BCL2: variants seen among roughly 807,000 people sequenced by gnomAD.
BCL2 encodes apoptosis regulator Bcl-2.
A neutral mutation model predicts 14.2 loss-of-function variants in BCL2; 1 was observed. That is an observed-to-expected ratio of 0.07 (90% CI 0.02 to 0.33). BCL2 has a LOEUF of 0.33. BCL2 is among the 10% of genes least tolerant of loss of function. The probability of loss-of-function intolerance (pLI) is 0.99; values close to 1 mark genes in which losing one functional copy is unlikely to be tolerated. For missense variants in BCL2, 247 were observed against 305.9 expected, an observed-to-expected ratio of 0.81 and a Z score of 1.44; for synonymous variants, 151 against 137.2, an observed-to-expected ratio of 1.10 and a Z score of -0.70.
chr18:63,306,829 AG>A (rs1228548591), intron 2 of BCL2, among the ~76,000 whole-genome samples: 2 of 141,538 alleles, frequency 1.4e-5, no homozygotes, highest in Non-Finnish European at 3.0e-5. Context: ...AAATATTATG[AG>A]GTTTTTTTGT....
chr18:63,283,957 C>T (rs1185918869), intron 2 of BCL2, among the ~76,000 whole-genome samples: 8 of 152,290 alleles, frequency 5.3e-5, no homozygotes, highest in Middle Eastern at 6.8e-3. Flanking sequence ...GAAAATCTGA[C>T]TGGAGACTCC....
At chr18:63,130,813 G>A (rs1914045787) in intron 2 of BCL2, among the ~76,000 whole-genome samples, 1 of 152,106 alleles carries the variant, frequency 6.6e-6, no homozygotes, top group African/African-American at 2.4e-5. Flanking sequence ...TCCTAGAAGT[G>A]ACCTCAGTTA....
chr18:63,257,769 T>C (rs1356020159), intron 2 of BCL2, among the ~76,000 whole-genome samples: 1 of 152,204 alleles, frequency 6.6e-6, no homozygotes, highest in Non-Finnish European at 1.5e-5. Flanking sequence ...GAAATGAGGT[T>C]TCCAAGAATT....
intron 2 of BCL2, among the ~76,000 whole-genome samples, chr18:63,310,975 C>T (rs1029224759): frequency 6.6e-6 from 1 of 151,452 alleles, no homozygotes; most frequent in African/African-American, 2.4e-5. Context: ...AGGAGATAGC[C>T]CTGAAATTTT....
chr18:63,308,688 T>G (rs1913215778), intron 2 of BCL2, among the ~76,000 whole-genome samples: 1 of 152,164 alleles, frequency 6.6e-6, no homozygotes, highest in Admixed American at 6.5e-5. Context: ...TCAAAACACT[T>G]AATAGGTATT....
chr18:63,199,643 A>T (rs1044389534), intron 2 of BCL2, among the ~76,000 whole-genome samples: 1 of 152,060 alleles, frequency 6.6e-6, no homozygotes, highest in Non-Finnish European at 1.5e-5. Context: ...AGACACACAC[A>T]TACACGCAGA....
intron 2 of BCL2, among the ~76,000 whole-genome samples, chr18:63,237,926 G>A (rs1438721358): frequency 2.1e-5 from 3 of 140,192 alleles, no homozygotes; most frequent in Non-Finnish European, 4.6e-5. Flanking sequence ...TTTCAAAAGC[G>A]TTCATTCCAG....
Position 63,318,552 on chromosome 18 carries a change from G to C in BCL2, c.115C>G (p.Pro39Ala). 1.9e-6 allele frequency: 3 copies of C among 1,589,872 alleles called. No individual in the cohort carries two copies. Among genetic ancestry groups the C allele is most frequent in the Non-Finnish European group, 2.6e-6 (3 of 1,170,900 alleles). ...EWDAGDVGAAPPGAAPAPGIF... is the reference protein window; with the variant it reads ...EWDAGDVGAAAPGAAPAPGIF... Reference sequence around the variant, plus strand: ...CCCGGTGCGGGGGCGGCCCCCGGGGGCGCGGCGCCCACATCTCCCGCATCC... The same window carrying C: ...CCCGGTGCGGGGGCGGCCCCCGGGGCCGCGGCGCCCACATCTCCCGCATCC... Residue 39 changes from proline to alanine, a missense_variant, in exon 2 of 3, where the codon CCC becomes GCC. By Grantham distance (27) the Pro-to-Ala change is conservative. Transcript: ENST00000333681. The surrounding 1 kb of genome is among the most constrained non-coding windows in gnomAD (Gnocchi z 7.4).
intron 2 of BCL2, among the ~76,000 whole-genome samples, chr18:63,201,749 T>C (rs951050535): frequency 6.6e-6 from 1 of 152,094 alleles, no homozygotes; most frequent in Admixed American, 6.5e-5. Flanking sequence ...ACACCACATG[T>C]TCTCACTCGT....
chr18:63,150,021 C>T (rs1226800912), intron 2 of BCL2, among the ~76,000 whole-genome samples: 1 of 152,118 alleles, frequency 6.6e-6, no homozygotes, highest in East Asian at 1.9e-4. Context: ...GCTGGGATTA[C>T]AGGCACCCAC....
chr18:63,134,029 A>C (rs1914143717), intron 2 of BCL2, among the ~76,000 whole-genome samples: 1 of 152,224 alleles, frequency 6.6e-6, no homozygotes, highest in South Asian at 2.1e-4. Flanking sequence ...AACGGTCAGC[A>C]AAACACGATT....
At chr18:63,184,728 G>A (rs1181340673) in intron 2 of BCL2, among the ~76,000 whole-genome samples, 1 of 152,196 alleles carries the variant, frequency 6.6e-6, no homozygotes, top group Non-Finnish European at 1.5e-5. Flanking sequence ...GAAGCCCCCC[G>A]ACCATGATGA....
rs143281167 is a variant in BCL2 at position 63,175,153 on chromosome 18, C to T, written c.586-46394G>A. On this transcript the variant is annotated intron_variant, in intron 2 of 2. Transcript: ENST00000333681. ...TTCATTCCCTGGAACTTTGGGCAAC[C>T]AAATCACTAGCATTCATGAAAAAAT... 8.1e-4 allele frequency among the ~76,000 whole-genome samples: 123 copies of T among 152,292 alleles called. 1 individual carries two copies. The highest frequency in any genetic ancestry group is 6.2e-3 in the Admixed American group (95 of 15,310).
intron 2 of BCL2, among the ~76,000 whole-genome samples, chr18:63,250,129 C>T (rs1396767415): frequency 1.3e-5 from 2 of 152,176 alleles, no homozygotes; most frequent in Admixed American, 6.5e-5. Flanking sequence ...TATACTCTCT[C>T]TCGACAAGGA....
rs1913976003 is a variant in BCL2 at position 63,128,556 on chromosome 18, G to A, written c.*69C>T. ...CAGCTTTGTTTCATGGTACATCACT[G>A]ACAATGCATATTATTTCTACTGCTT... is the stretch of plus-strand genomic sequence containing the variant. On this transcript the variant is annotated 3_prime_UTR_variant, in exon 3 of 3. Coordinates refer to ENST00000333681, the MANE Select transcript of BCL2 (RefSeq NM_000633.3). The A allele has an allele frequency of 2.6e-6, 2 of 754,796 alleles. No homozygotes were observed. The highest frequency in any genetic ancestry group is 5.0e-6 in the Non-Finnish European group (2 of 403,086). The allele number at this position is 754,796 out of a possible 1,614,324, so 46.8% of individuals were successfully genotyped here.
At chr18:63,213,748 G>C (rs1386139773) in intron 2 of BCL2, among the ~76,000 whole-genome samples, 2 of 152,052 alleles carry the variant, frequency 1.3e-5, no homozygotes, top group African/African-American at 4.8e-5. Context: ...CAGCTCTGTG[G>C]ACCATTATCA....
At chr18:63,138,006 T>C (rs967204710) in intron 2 of BCL2, among the ~76,000 whole-genome samples, 2 of 152,148 alleles carry the variant, frequency 1.3e-5, no homozygotes, top group Non-Finnish European at 1.5e-5. Flanking sequence ...GGCAATACTA[T>C]CTGTGACTAC....
At chr18:63,247,348 G>A (rs1449198447) in intron 2 of BCL2, among the ~76,000 whole-genome samples, 2 of 141,330 alleles carry the variant, frequency 1.4e-5, no homozygotes, top group Non-Finnish European at 3.1e-5. Context: ...ATAGGCGCCC[G>A]CCACCACCCC....
rs1276983110 is a variant in BCL2 at position 63,269,790 on chromosome 18, T to C, written c.585+48292A>G. Reference sequence around the variant, plus strand: ...GTCAGTCGAAATTGGATTTCAGCAATATGTTTTTGGTAATCACATGAAGGA... The same window carrying C: ...GTCAGTCGAAATTGGATTTCAGCAACATGTTTTTGGTAATCACATGAAGGA... On this transcript the variant is annotated intron_variant, in intron 2 of 2. Coordinates refer to ENST00000333681, the MANE Select transcript of BCL2 (RefSeq NM_000633.3). 3.9e-5 allele frequency among the ~76,000 whole-genome samples: 6 copies of C among 152,322 alleles called. No individual in the cohort carries two copies. The East Asian group carries it at 1.2e-3, about 29-fold the overall frequency.
Sources: gnomAD v4.1 joint callset for allele counts (sites outside exome capture counted in the v4.1 genomes callset) on GRCh38, gnomAD v4.1.1 for gene constraint, Gnocchi (gnomAD v3.1) non-coding constraint, MANE v1.5 for transcripts, NCBI Gene and HGNC (gene_info 2026-07-23, HGNC 2026-07-21) for gene names.